AMMECR1: variants seen among roughly 807,000 people sequenced by gnomAD.
The protein encoded by AMMECR1 is AMMECR nuclear protein 1.
Under a neutral mutation model 22.5 loss-of-function variants are expected in AMMECR1, and 3 were observed. The observed-to-expected ratio is 0.13, with a 90% CI of 0.06 to 0.35. AMMECR1 has a LOEUF of 0.35. Ranked by LOEUF, AMMECR1 falls within the 10% of genes least tolerant of loss-of-function variation. The pLI is 1.00. For synonymous variants in AMMECR1, 130 were observed against 116.7 expected (o/e 1.11, Z -0.74); for missense variants, 235 against 278.7 (o/e 0.84, Z 1.12).
chrX:110,315,072 G>GA (rs965332975), intron 1 of AMMECR1, among the ~76,000 whole-genome samples: 3 of 110,054 alleles, frequency 2.7e-5, no homozygotes, highest in Admixed American at 9.6e-5. Context: ...ATAACTATGA[G>GA]AAAAAAAAAT....
chrX:110,396,638 G>C (rs767832815), intron 2 of AMMECR1, among the ~76,000 whole-genome samples: 10 of 111,912 alleles, frequency 8.9e-5, no homozygotes, highest in African/African-American at 3.2e-4. Flanking sequence ...TAAGCAGGGG[G>C]CCAGATTCCC....
chrX:110,339,969 A>AACACACAC (rs1196397497), intron 2 of AMMECR1, among the ~76,000 whole-genome samples: 28 of 90,025 alleles, frequency 3.1e-4, no homozygotes, highest in African/African-American at 1.2e-3. Context: ...TTGAAGGCAA[A>AACACACAC]ACATACACAC....
chrX:110,325,846 A>G (rs1366148588), intron 2 of AMMECR1, among the ~76,000 whole-genome samples: 1 of 111,816 alleles, frequency 8.9e-6, no homozygotes, highest in African/African-American at 3.3e-5. Flanking sequence ...TGGCTTCTGA[A>G]ATGGCAGGTT....
chrX:110,312,892 T>G (rs184436803), intron 1 of AMMECR1, among the ~76,000 whole-genome samples: 56 of 112,693 alleles, frequency 5.0e-4, no homozygotes, highest in African/African-American at 1.7e-3. Context: ...AGTACCGTTA[T>G]GTTAGTGTGG....
At chrX:110,226,819 A>G (rs760569036) in intron 2 of AMMECR1, among the ~76,000 whole-genome samples, 1 of 112,073 alleles carries the variant, frequency 8.9e-6, no homozygotes, top group South Asian at 3.8e-4. Context: ...TATTAAGTAT[A>G]AATGTGAGCA....
At chrX:110,414,196 A>G (rs1301015173) in intron 2 of AMMECR1, among the ~76,000 whole-genome samples, 1 of 112,561 alleles carries the variant, frequency 8.9e-6, no homozygotes, top group Admixed American at 9.3e-5. Flanking sequence ...AGAAAATCCC[A>G]TCACTTTGTT....
intron 2 of AMMECR1, among the ~76,000 whole-genome samples, chrX:110,242,698 T>C (rs1448662375): frequency 8.9e-6 from 1 of 111,868 alleles, no homozygotes; most frequent in Admixed American, 9.5e-5. Flanking sequence ...TCAGCAAACA[T>C]AGGGCACAAA....
intron 1 of AMMECR1, among the ~76,000 whole-genome samples, chrX:110,279,055 G>C (rs948279031): frequency 9.0e-5 from 10 of 111,692 alleles, no homozygotes; most frequent in Non-Finnish European, 1.7e-4. Context: ...TTCCCACAGG[G>C]ACTACTTCTC....
intron 2 of AMMECR1, among the ~76,000 whole-genome samples, chrX:110,386,341 ATTTAT>A (rs1013051414): frequency 4.6e-5 from 5 of 108,952 alleles, no homozygotes; most frequent in African/African-American, 1.7e-4. Flanking sequence ...TTTTTATTAT[ATTTAT>A]TTTATTTTTT....
intron 2 of AMMECR1, among the ~76,000 whole-genome samples, chrX:110,243,038 G>T (rs1223790697): frequency 1.8e-5 from 2 of 112,232 alleles, no homozygotes; most frequent in African/African-American, 6.5e-5. Flanking sequence ...CTTCCTTTCA[G>T]AAAATACAAG....
intron 1 of AMMECR1, among the ~76,000 whole-genome samples, chrX:110,265,222 A>G (rs958274307): frequency 8.9e-6 from 1 of 111,761 alleles, no homozygotes; most frequent in Non-Finnish European, 1.9e-5. Flanking sequence ...AATAGATACT[A>G]TAAACCATGT....
chrX:110,418,275 T>A (rs1211753550), intron 2 of AMMECR1, among the ~76,000 whole-genome samples: 1 of 112,286 alleles, frequency 8.9e-6, no homozygotes, highest in African/African-American at 3.2e-5. Context: ...TAAGAGCAGG[T>A]ACTCTGCCCC....
At chrX:110,358,541 T>C (rs1297289845) in intron 2 of AMMECR1, among the ~76,000 whole-genome samples, 3 of 111,094 alleles carry the variant, frequency 2.7e-5, no homozygotes, top group African/African-American at 9.8e-5. Context: ...GCTCAGACCT[T>C]GGATTTGTCC....
chrX:110,322,933 C>T (rs1050618764), upstream of AMMECR1, among the ~76,000 whole-genome samples: 3 of 111,674 alleles, frequency 2.7e-5, no homozygotes, highest in Admixed American at 2.8e-4. Flanking sequence ...CTCCATCTGG[C>T]CCCTGACGTT....
Position 110,317,985 on chromosome X carries a change from G to A in AMMECR1, c.87C>T (p.Ser29=), listed in dbSNP as rs375516768. ...GGCTCTCTCCGCTGCAGTGGGAGGAGGAGGAGGCGCCACCACCGCCACCCG... is the reference window on the plus strand; with the variant it reads ...GGCTCTCTCCGCTGCAGTGGGAGGAAGAGGAGGCGCCACCACCGCCACCCG... The part of the protein sequence containing the change: ...SGSGGGGGAS[S]SSHCSGESQC... Residue 29 remains serine, a synonymous_variant, in exon 1 of 6, where the codon TCC becomes TCT. Transcript: ENST00000262844. 8.3e-5 allele frequency: 100 copies of A among 1,200,848 alleles called. No homozygotes were observed. Among genetic ancestry groups the A allele is most frequent in the Middle Eastern group, 2.4e-4 (1 of 4,175 alleles).
chrX:110,368,611 G>A (rs1426618328), intron 2 of AMMECR1, among the ~76,000 whole-genome samples: 1 of 111,835 alleles, frequency 8.9e-6, no homozygotes, highest in African/African-American at 3.3e-5. Context: ...CTCTCTGCAT[G>A]CTTCCTACAA....
chrX:110,440,064 C>T (rs2068868659), exon 1 of AMMECR1: 1 of 111,180 alleles, frequency 9.0e-6, no homozygotes, highest in African/African-American at 3.3e-5. Context: ...CAGACCACCC[C>T]CAGGATGTCT....
At chrX:110,370,253 G>A (rs897683024) in intron 2 of AMMECR1, among the ~76,000 whole-genome samples, 2 of 111,477 alleles carry the variant, frequency 1.8e-5, no homozygotes, top group Non-Finnish European at 3.8e-5. Flanking sequence ...TTGTCACCCA[G>A]GCTGGAGTGC....
chrX:110,411,160 G>A (rs953161023), intron 2 of AMMECR1, among the ~76,000 whole-genome samples: 1 of 111,980 alleles, frequency 8.9e-6, no homozygotes, highest in Non-Finnish European at 1.9e-5. Flanking sequence ...TGTGGCCTCC[G>A]ACAGTGAACC....
Sources: gnomAD v4.1 joint callset for allele counts (sites outside exome capture counted in the v4.1 genomes callset) on GRCh38, gnomAD v4.1.1 for gene constraint, MANE v1.5 for transcripts, NCBI Gene and HGNC (gene_info 2026-07-23, HGNC 2026-07-21) for gene names.